The following STPG1 variants were observed in gnomAD, a reference collection of about 807,000 sequenced individuals.
STPG1 encodes the protein O(6)-methylguanine-induced apoptosis 2.
STPG1 carries 33 observed loss-of-function variants against 40.1 expected under a neutral mutation model. The ratio of observed to expected loss-of-function variants is 0.82; its 90% CI spans 0.62 to 1.10. STPG1 has a LOEUF of 1.10. Among genes scored for constraint, STPG1 ranks in the 50% least tolerant of loss-of-function variants. The probability of loss-of-function intolerance (pLI) is 0.00; values close to 1 mark genes in which losing one functional copy is unlikely to be tolerated. For missense variants in STPG1, 396 were observed against 415.1 expected (o/e 0.95, Z 0.40); for synonymous variants, 150 against 155.0 (o/e 0.97, Z 0.24).
Position 24,379,634 on chromosome 1 carries a change from G to T in STPG1, c.462+19C>A. 3 of 1,612,528 alleles carry T rather than the reference G, an allele frequency of 1.9e-6. No homozygotes were observed. Among genetic ancestry groups the T allele is most frequent in the Non-Finnish European group, 2.5e-6 (3 of 1,178,552 alleles). Reference sequence around the variant, plus strand: ...CATTAATTCGATCTGTATTTAGCAAGCATAGGCAGAGTTCTTACATTGTAA... The same window carrying T: ...CATTAATTCGATCTGTATTTAGCAATCATAGGCAGAGTTCTTACATTGTAA... On this transcript the variant is annotated intron_variant, in intron 5 of 8. Transcript: ENST00000337248.
At chr1:24,391,305 AAT>A in intron 3 of STPG1, 1 of 286,112 alleles carries the variant, frequency 3.5e-6, no homozygotes, top group Non-Finnish European at 6.4e-6. Context: ...GTTTTCTTAA[AAT>A]AGTTTTGGTC....
intron 6 of STPG1, among the ~76,000 whole-genome samples, chr1:24,370,116 T>C (rs1189716319): frequency 1.3e-5 from 2 of 152,196 alleles, no homozygotes; most frequent in South Asian, 4.1e-4. Context: ...GACTCAGAGA[T>C]TGTTAAATAA....
chr1:24,364,283 G>T (rs1444169871), intron 7 of STPG1: 1 of 1,549,416 alleles, frequency 6.5e-7, no homozygotes, highest in Non-Finnish European at 8.7e-7. Flanking sequence ...ATGGGTTTTG[G>T]AGATGGATTT....
chr1:24,410,877 T>G (rs1388610572), intron 1 of STPG1: 2 of 152,224 alleles, frequency 1.3e-5, no homozygotes, highest in Non-Finnish European at 2.9e-5. Flanking sequence ...TTTAAGCGAT[T>G]CCTACGTGGG....
rs1322083597 is a variant in STPG1 at position 24,396,367 on chromosome 1, T to C, written c.71-4688A>G. 2.0e-5 allele frequency among the ~76,000 whole-genome samples: 3 copies of C among 152,262 alleles called. No individual in the cohort carries two copies. The East Asian group carries it at 5.8e-4, about 29-fold the overall frequency. ...CTCTGTTGCCCAGGTTGGAGTGCAG[T>C]GGTGCAGTCATAGTTCATTGCAGCC... On this transcript the variant is annotated intron_variant, in intron 2 of 8. Coordinates refer to ENST00000337248, the MANE Select transcript of STPG1 (RefSeq NM_001199013.2).
intron 7 of STPG1, chr1:24,364,252 C>G (rs1391250087): frequency 9.0e-6 from 14 of 1,548,618 alleles, no homozygotes; most frequent in African/African-American, 1.4e-5. Context: ...ATGTTCCCAT[C>G]CTGTGACTCA....
intron 4 of STPG1, 80 bp downstream of exon 4, chr1:24,383,822 G>T (rs569686049): frequency 1.1e-6 from 1 of 923,360 alleles, no homozygotes; most frequent in East Asian, 2.4e-5. Context: ...GAAAGGACCA[G>T]ATGTCCAATA....
chr1:24,391,699 T>A lies in STPG1; in HGVS notation c.71-20A>T. ...TAAAACCTAAACAACAAAAATGGAG[T>A]AAAATCAAAATGAATACAAAACAAT... On this transcript the variant is annotated intron_variant, in intron 2 of 8. Coordinates refer to ENST00000337248, the MANE Select transcript of STPG1 (RefSeq NM_001199013.2). 1 of 1,475,032 alleles carries A rather than the reference T, an allele frequency of 6.8e-7. No individual in the cohort carries two copies. The highest frequency in any genetic ancestry group is 9.2e-7 in the Non-Finnish European group (1 of 1,083,492). The allele number at this position is 1,475,032 out of a possible 1,614,324, so 91.4% of individuals were successfully genotyped here.
chr1:24,364,044 C>A, intron 7 of STPG1: 1 of 1,268,414 alleles, frequency 7.9e-7, no homozygotes, highest in Non-Finnish European at 1.0e-6. Context: ...TGTCCTGCTG[C>A]TTCCGTTTTA....
intron 3 of STPG1, among the ~76,000 whole-genome samples, chr1:24,390,677 C>T (rs1642728907): frequency 1.3e-5 from 2 of 152,110 alleles, no homozygotes; most frequent in South Asian, 4.1e-4. Context: ...CCTTGGCCTC[C>T]CAAACTGCTG....
At chr1:24,407,301 C>G (rs1643449132) in intron 1 of STPG1, among the ~76,000 whole-genome samples, 1 of 152,138 alleles carries the variant, frequency 6.6e-6, no homozygotes, top group Non-Finnish European at 1.5e-5. Flanking sequence ...GCCTCTGCCA[C>G]CTTCTTTCCT....
intron 7 of STPG1, 65 bp downstream of exon 7, chr1:24,369,609 C>G (rs936959673): frequency 4.6e-6 from 7 of 1,516,882 alleles, no homozygotes; most frequent in Non-Finnish European, 6.2e-6. Context: ...CCATCCTTTT[C>G]TCTATGTTGG....
intron 2 of STPG1, among the ~76,000 whole-genome samples, chr1:24,396,162 C>T (rs1029450071): frequency 1.3e-5 from 2 of 151,968 alleles, no homozygotes; most frequent in African/African-American, 4.8e-5. Context: ...GATGGTAGAC[C>T]ATGATAAGTT....
intron 3 of STPG1, among the ~76,000 whole-genome samples, chr1:24,388,949 C>T (rs1218790161): frequency 6.6e-6 from 1 of 152,186 alleles, no homozygotes; most frequent in African/African-American, 2.4e-5. Flanking sequence ...GGCACACAGC[C>T]AGTGACAGAG....
intron 7 of STPG1, among the ~76,000 whole-genome samples, chr1:24,365,112 T>A (rs1044733073): frequency 3.9e-5 from 6 of 152,186 alleles, no homozygotes; most frequent in Non-Finnish European, 7.3e-5. Flanking sequence ...GGTGACAGAT[T>A]ACAGCTGCTT....
intron 5 of STPG1, among the ~76,000 whole-genome samples, chr1:24,376,517 T>C (rs904933927): frequency 5.3e-5 from 8 of 152,208 alleles, no homozygotes; most frequent in African/African-American, 1.9e-4. Context: ...CACAATTCTA[T>C]CTTGGGAAGA....
At chr1:24,383,578 A>G (rs1156814873) in intron 4 of STPG1, among the ~76,000 whole-genome samples, 1 of 152,258 alleles carries the variant, frequency 6.6e-6, no homozygotes, top group Non-Finnish European at 1.5e-5. Context: ...GATGTGTAAG[A>G]GTAACTATTT....
intron 1 of STPG1, among the ~76,000 whole-genome samples, chr1:24,411,423 G>C (rs1002378141): frequency 6.6e-6 from 1 of 152,112 alleles, no homozygotes; most frequent in Non-Finnish European, 1.5e-5. Context: ...TTTAGCACCC[G>C]AGTGGGTATG....
rs939767245 is a variant in STPG1, at chr1:24,358,148, TG to T, written c.*394del. ...AATGAAGGAATGAAACAGGGAAGGG[TG>T]GGGCTTCCAGGCTTGGCCACCTTCA... On this transcript the variant is annotated 3_prime_UTR_variant, in exon 9 of 9. Coordinates refer to ENST00000337248, the MANE Select transcript of STPG1 (RefSeq NM_001199013.2). 8.5e-6 allele frequency: 4 copies of T among 471,566 alleles called. No homozygotes were observed. Among genetic ancestry groups the T allele is most frequent in the African/African-American group, 7.8e-5 (4 of 50,968 alleles). The allele number at this position is 471,566 out of a possible 1,614,324, so 29.2% of individuals were successfully genotyped here.
Sources: allele counts gnomAD v4.1 joint callset (sites outside exome capture counted in the v4.1 genomes callset), GRCh38; gene constraint gnomAD v4.1.1; transcripts MANE v1.5; gene names NCBI Gene and HGNC (gene_info 2026-07-23, HGNC 2026-07-21).